AKAP19: variants seen among roughly 807,000 people sequenced by gnomAD.
AKAP19 encodes the protein small A-kinase anchoring protein.
the AKAP19 span, among the ~76,000 whole-genome samples, chr2:190,166,174 A>T: frequency 0.14 from 20,819 of 151,742 alleles, 1,798 homozygotes; most frequent in Middle Eastern, 0.23. Flanking sequence ...AAAATATGAG[A>T]GAATAAAATG....
At chr2:190,090,287 T>TACTTACAGTAAGTAG in the AKAP19 span, among the ~76,000 whole-genome samples, 6 of 152,194 alleles carry the variant, frequency 3.9e-5, no homozygotes, top group Non-Finnish European at 5.9e-5. Context: ...GGGGATGGCC[T>TACTTACAGTAAGTAG]GGTGACAAAC....
At chr2:189,933,069 G>C in the AKAP19 span, among the ~76,000 whole-genome samples, 1 of 152,074 alleles carries the variant, frequency 6.6e-6, no homozygotes, top group African/African-American at 2.4e-5. Flanking sequence ...TTTAATTTGG[G>C]CAGATACTCA....
At chr2:190,062,276 T>C in the AKAP19 span, 19 of 1,613,080 alleles carry the variant, frequency 1.2e-5, no homozygotes, top group African/African-American at 2.7e-5. Context: ...AATCGTCATC[T>C]TCCAAAGAGC....
chr2:190,101,561 G>T, the AKAP19 span, among the ~76,000 whole-genome samples: 1 of 151,984 alleles, frequency 6.6e-6, no homozygotes, highest in South Asian at 2.1e-4. Context: ...CAGATCACCA[G>T]GCATTCAGAG....
the AKAP19 span, among the ~76,000 whole-genome samples, chr2:190,097,756 C>T: frequency 6.6e-6 from 1 of 150,422 alleles, no homozygotes; most frequent in African/African-American, 2.4e-5. Flanking sequence ...AGTGTGGTGG[C>T]TCATGCCTGT....
chr2:190,097,994 C>T, the AKAP19 span, among the ~76,000 whole-genome samples: 1 of 151,960 alleles, frequency 6.6e-6, no homozygotes, highest in Admixed American at 6.6e-5. Flanking sequence ...TTGCTATTTC[C>T]ATCACATCTG....
At chr2:190,140,702 C>T in the AKAP19 span, among the ~76,000 whole-genome samples, 1 of 152,170 alleles carries the variant, frequency 6.6e-6, no homozygotes. Flanking sequence ...CCTCCTAGGC[C>T]TCCAGGCCTG....
chr2:190,139,134 A>G, the AKAP19 span, among the ~76,000 whole-genome samples: 17 of 152,216 alleles, frequency 1.1e-4, no homozygotes, highest in Non-Finnish European at 2.2e-4. Context: ...CATAAACACA[A>G]TGATGAAATC....
the AKAP19 span, among the ~76,000 whole-genome samples, chr2:189,995,666 G>C: frequency 6.6e-6 from 1 of 151,394 alleles, no homozygotes; most frequent in African/African-American, 2.4e-5. Context: ...GCTAGTTGTT[G>C]CCTGAATACC....
the AKAP19 span, among the ~76,000 whole-genome samples, chr2:190,017,945 T>C: frequency 1.4e-4 from 22 of 152,196 alleles, no homozygotes; most frequent in Non-Finnish European, 2.6e-4. Flanking sequence ...GGTTGGTAAA[T>C]TTTTCCCTTC....
chr2:190,173,790 G>C, the AKAP19 span, among the ~76,000 whole-genome samples: 2 of 152,176 alleles, frequency 1.3e-5, no homozygotes, highest in Non-Finnish European at 2.9e-5. Context: ...ATTCAAGATC[G>C]AGAAAATTGT....
chr2:189,989,553 G>A, the AKAP19 span, among the ~76,000 whole-genome samples: 1 of 151,700 alleles, frequency 6.6e-6, no homozygotes, highest in Admixed American at 6.6e-5. Flanking sequence ...AAAATGTTCT[G>A]TCAGAACATA....
the AKAP19 span, among the ~76,000 whole-genome samples, chr2:190,081,199 T>C: frequency 6.9e-6 from 1 of 144,686 alleles, no homozygotes; most frequent in Non-Finnish European, 1.5e-5. Flanking sequence ...CCAACCCCCA[T>C]CCCCCCATCC....
the AKAP19 span, among the ~76,000 whole-genome samples, chr2:189,983,450 G>T: frequency 6.6e-6 from 1 of 152,164 alleles, no homozygotes; most frequent in East Asian, 1.9e-4. Flanking sequence ...GGGTAGAGCT[G>T]GCATGAAAAG....
chr2:190,020,641 G>C, the AKAP19 span, among the ~76,000 whole-genome samples: 3 of 152,094 alleles, frequency 2.0e-5, no homozygotes, highest in Non-Finnish European at 4.4e-5. Flanking sequence ...GTACAATTTA[G>C]TAGCATTAAG....
chr2:189,908,870 C>T, the AKAP19 span, among the ~76,000 whole-genome samples: 1 of 152,086 alleles, frequency 6.6e-6, no homozygotes, highest in African/African-American at 2.4e-5. Flanking sequence ...CCCTTAGGTC[C>T]ACTTGGTCTA....
At chr2:190,105,650 T>C in the AKAP19 span, among the ~76,000 whole-genome samples, 1 of 152,226 alleles carries the variant, frequency 6.6e-6, no homozygotes, top group Non-Finnish European at 1.5e-5. Flanking sequence ...TGAATTGATA[T>C]ATTTTGTGAT....
the AKAP19 span, among the ~76,000 whole-genome samples, chr2:190,185,904 C>T: frequency 1.3e-5 from 2 of 152,156 alleles, no homozygotes; most frequent in Non-Finnish European, 2.9e-5. Context: ...TAACACAGAA[C>T]ATGTTCCACG....
chr2:189,969,456 A>G, the AKAP19 span, among the ~76,000 whole-genome samples: 2 of 152,010 alleles, frequency 1.3e-5, 1 homozygote, highest in East Asian at 3.9e-4. Flanking sequence ...AGACACACCC[A>G]CTCTACCATT....
Sources: gnomAD v4.1 joint callset for allele counts (sites outside exome capture counted in the v4.1 genomes callset) on GRCh38, gnomAD v4.1.1 for gene constraint, MANE v1.5 for transcripts, NCBI Gene and HGNC (gene_info 2026-07-23, HGNC 2026-07-21) for gene names.